PDGFRA: variants seen among roughly 807,000 people sequenced by gnomAD.
PDGFRA encodes platelet-derived growth factor receptor alpha.
Under a neutral mutation model 121.5 loss-of-function variants are expected in PDGFRA, and 25 were observed. That is an observed-to-expected ratio of 0.21 (90% CI 0.15 to 0.29). The LOEUF is 0.29. Ranked by LOEUF, PDGFRA falls within the 10% of genes least tolerant of loss-of-function variation. The pLI, the probability that PDGFRA is intolerant of heterozygous loss-of-function variation, is 1.00. For missense variants in PDGFRA, 1,008 were observed against 1,345.1 expected, an observed-to-expected ratio of 0.75 and a Z score of 3.92; for synonymous variants, 463 against 494.8, an observed-to-expected ratio of 0.94 and a Z score of 0.85.
In PDGFRA at chr4:54,242,837, A is replaced by T. The variant is rs984806720; in HGVS notation, c.-13+13422A>T. ...GAGAAACCTCTGTTTTCCTCATGGA[A>T]CCCCAAGAGCTGTAAGCAGAGAGTT... On this transcript the variant is annotated intron_variant, in intron 1 of 22. Transcript: ENST00000257290. Among the ~76,000 whole-genome samples the T allele has an allele frequency of 4.6e-5, 7 of 152,122 alleles. No individual in the cohort carries two copies. The South Asian group carries it at 1.2e-3, about 27-fold the overall frequency.
In PDGFRA at chr4:54,293,508, G is replaced by A. The variant is rs1429694532; in HGVS notation, c.3123-1617G>A. Among the ~76,000 whole-genome samples the A allele has an allele frequency of 2.2e-5, 3 of 138,444 alleles. No homozygotes were observed. In the East Asian group the frequency reaches 6.4e-4, roughly 30 times the overall value. The allele number at this position is 138,444 out of a possible 152,430, so 90.8% of individuals were successfully genotyped here. A position where few individuals can be genotyped will look rare whatever the true frequency, so the allele number is the denominator to read the frequency against. On this transcript the variant is annotated intron_variant, in intron 22 of 22. Coordinates refer to ENST00000257290, the MANE Select transcript of PDGFRA (RefSeq NM_006206.6). ...TGCAGTGGTGTGATCTCAGCTTACT[G>A]TAACCTCCACCTCCTGAGTTCAAGC...
At chr4:54,286,177 G>C (rs1577742868) in intron 18 of PDGFRA, among the ~76,000 whole-genome samples, 1 of 152,110 alleles carries the variant, frequency 6.6e-6, no homozygotes, top group African/African-American at 2.4e-5. Flanking sequence ...TGACTGTTCT[G>C]CCCCTCTGTC....
At chr4:54,270,416 A>AATG (rs1723276719) in intron 7 of PDGFRA, among the ~76,000 whole-genome samples, 3 of 152,188 alleles carry the variant, frequency 2.0e-5, no homozygotes, top group Non-Finnish European at 2.9e-5. Flanking sequence ...CTCATCTCTG[A>AATG]ATGTCTGGTT....
At chr4:54,276,250 A>C (rs2110304332) in intron 12 of PDGFRA, among the ~76,000 whole-genome samples, 1 of 151,642 alleles carries the variant, frequency 6.6e-6, no homozygotes, top group African/African-American at 2.4e-5. Context: ...ATCCTTAAAA[A>C]CCCCATTCCC....
chr4:54,258,876 G>T (rs750524887), intron 2 of PDGFRA, 59 bp downstream of exon 2: 6 of 1,372,584 alleles, frequency 4.4e-6, no homozygotes, highest in Non-Finnish European at 5.2e-6. Flanking sequence ...TTTAAGCTTT[G>T]TGCTGCATGG....
chr4:54,288,974 C>T, intron 20 of PDGFRA, 35 bp from the exon 21 acceptor site: 1 of 1,516,850 alleles, frequency 6.6e-7, no homozygotes, highest in Non-Finnish European at 9.2e-7. Flanking sequence ...CCTGAGACTT[C>T]CCCCTGTGCC....
chr4:54,277,513 AT>A, intron 13 of PDGFRA, 21 bp downstream of exon 13: 1 of 1,526,908 alleles, frequency 6.5e-7, no homozygotes, highest in Non-Finnish European at 9.1e-7. Context: ...CTTCCTGGGG[AT>A]TTTTTGAGCA....
chr4:54,261,125 T>C lies in PDGFRA; in HGVS notation c.80T>C (p.Leu27Ser), dbSNP rs758425314. The change falls in exon 3 of 23, where the codon TTA becomes TCA. Residue 27 changes from leucine to serine, a missense_variant. Physicochemically the swap from Leu to Ser is moderately radical, Grantham distance 145. This residue lies in a region of PDGFRA where 575 missense variants were observed against 701.8 expected (regional missense o/e 0.82). Transcript: ENST00000257290. Reference sequence around the variant, plus strand: ...AGCCTAATCCTCTGCCAGCTTTCATTACCCTCTATCCTTCCAAATGAAAAT... The same window carrying C: ...AGCCTAATCCTCTGCCAGCTTTCATCACCCTCTATCCTTCCAAATGAAAAT... ...GLSLILCQLS[L>S]PSILPNENEK... 5 of 1,614,194 alleles carry C rather than the reference T, an allele frequency of 3.1e-6. No homozygotes were observed. The South Asian group carries it at 5.5e-5, about 18-fold the overall frequency.
intron 22 of PDGFRA, among the ~76,000 whole-genome samples, chr4:54,291,984 G>A (rs778986768): frequency 6.6e-6 from 1 of 152,146 alleles, no homozygotes; most frequent in Non-Finnish European, 1.5e-5. Context: ...TCTCCCACCA[G>A]TCAGAATGGC....
chr4:54,239,281 A>C (rs557752516), intron 1 of PDGFRA, among the ~76,000 whole-genome samples: 3 of 152,362 alleles, frequency 2.0e-5, no homozygotes, highest in South Asian at 4.1e-4. Flanking sequence ...TGTTGAGCGT[A>C]TAATCAAGAA....
At chr4:54,272,568 C>T (rs2110287772) in intron 9 of PDGFRA, 48 bp downstream of exon 9, 1 of 1,596,352 alleles carries the variant, frequency 6.3e-7, no homozygotes, top group Non-Finnish European at 8.6e-7. Context: ...GAATATTTCT[C>T]CCTTGACACA....
intron 1 of PDGFRA, among the ~76,000 whole-genome samples, chr4:54,255,313 C>A (rs138034541): frequency 1.1e-4 from 17 of 152,184 alleles, no homozygotes; most frequent in African/African-American, 4.1e-4. Context: ...TCTGTGTTTT[C>A]TTCCTCTCCC....
Position 54,287,547 on chromosome 4 carries a change from G to A in PDGFRA, c.2674+6G>A, listed in dbSNP as rs886059448. 1.8e-6 allele frequency: 2 copies of A among 1,085,206 alleles called. No homozygotes were observed. Among genetic ancestry groups the A allele is most frequent in the Middle Eastern group, 2.0e-4 (1 of 5,004 alleles). 67.2% of individuals were successfully genotyped at this position (1,085,206 alleles called of 1,614,324 possible). Reference sequence around the variant, plus strand: ...CTGGGAGATCTTTTCCCTTGGTATGGGCCTGACATTGCTGCTTATTTGGGC... The same window carrying A: ...CTGGGAGATCTTTTCCCTTGGTATGAGCCTGACATTGCTGCTTATTTGGGC... On this transcript the variant is annotated splice_donor_region_variant and intron_variant, in intron 19 of 22. Coordinates refer to ENST00000257290, the MANE Select transcript of PDGFRA (RefSeq NM_006206.6).
At chr4:54,230,896 T>C (rs1262319632) in intron 1 of PDGFRA, among the ~76,000 whole-genome samples, 1 of 152,184 alleles carries the variant, frequency 6.6e-6, no homozygotes, top group Non-Finnish European at 1.5e-5. Flanking sequence ...CGGCGTCCAT[T>C]TGGCATTGAA....
intron 1 of PDGFRA, among the ~76,000 whole-genome samples, chr4:54,245,346 C>T (rs573284808): frequency 5.4e-4 from 82 of 152,324 alleles, no homozygotes; most frequent in Admixed American, 1.6e-3. Context: ...GGAAGCCCAT[C>T]AGACTAACAG....
chr4:54,256,508 G>A (rs1479457785), intron 1 of PDGFRA, among the ~76,000 whole-genome samples: 7 of 151,224 alleles, frequency 4.6e-5, no homozygotes, highest in Non-Finnish European at 7.4e-5. Context: ...AAAGTGCTGC[G>A]ATTACAGGCA....
At chr4:54,255,819 A>G (rs567552494) in intron 1 of PDGFRA, among the ~76,000 whole-genome samples, 1 of 150,848 alleles carries the variant, frequency 6.6e-6, no homozygotes, top group Non-Finnish European at 1.5e-5. Flanking sequence ...TTTTTTTTTT[A>G]AAACAACAAC....
intron 7 of PDGFRA, among the ~76,000 whole-genome samples, chr4:54,267,952 A>G (rs958996141): frequency 5.3e-5 from 8 of 152,220 alleles, no homozygotes; most frequent in African/African-American, 1.9e-4. Context: ...ATGAGAAGAA[A>G]GAACTAAAAG....
At chr4:54,281,603 G>A (rs866730854) in intron 16 of PDGFRA, 45 of 1,353,362 alleles carry the variant, frequency 3.3e-5, no homozygotes, top group African/African-American at 4.4e-5. Flanking sequence ...GAGTTGGCAC[G>A]AGATGTCAGA....
Sources: allele counts gnomAD v4.1 joint callset (sites outside exome capture counted in the v4.1 genomes callset), GRCh38; gene constraint gnomAD v4.1.1; regional missense constraint gnomAD v4.1.1; transcripts MANE v1.5; gene names NCBI Gene and HGNC (gene_info 2026-07-23, HGNC 2026-07-21).